Variants in ZDHHC18 observed in about 807,000 individuals in gnomAD.
The protein encoded by ZDHHC18 is palmitoyltransferase ZDHHC18.
Under a neutral mutation model 37.5 loss-of-function variants are expected in ZDHHC18, and 23 were observed. That is an observed-to-expected ratio of 0.61 (90% CI 0.44 to 0.87). The LOEUF (loss-of-function observed/expected upper bound fraction) is 0.87. ZDHHC18 is among the 40% of genes least tolerant of loss of function. The pLI, the probability that ZDHHC18 is intolerant of heterozygous loss-of-function variation, is 0.00. For missense variants in ZDHHC18, 406 were observed against 525.6 expected, an observed-to-expected ratio of 0.77 and a Z score of 2.22; for synonymous variants, 185 against 218.7, an observed-to-expected ratio of 0.85 and a Z score of 1.36.
chr1:26,828,132 T>C (rs1254774962), intron 1 of ZDHHC18, among the ~76,000 whole-genome samples: 1 of 152,092 alleles, frequency 6.6e-6, no homozygotes, highest in Non-Finnish European at 1.5e-5. Context: ...CATATATTTG[T>C]ATTAGAAGTT....
chr1:26,828,046 A>C (rs1259790446), intron 1 of ZDHHC18, among the ~76,000 whole-genome samples: 1 of 151,994 alleles, frequency 6.6e-6, no homozygotes, highest in Non-Finnish European at 1.5e-5. Flanking sequence ...TTGCCCCCCT[A>C]GGTTTTTGTC....
intron 6 of ZDHHC18, among the ~76,000 whole-genome samples, chr1:26,851,964 T>C (rs1201379748): frequency 6.6e-6 from 1 of 152,208 alleles, no homozygotes; most frequent in African/African-American, 2.4e-5. Context: ...AATGAGAGCA[T>C]CTGTTTCAGG....
At chr1:26,853,643 G>A (rs199642201) in intron 7 of ZDHHC18, 83 bp from the exon 8 acceptor site, 3 of 1,334,216 alleles carry the variant, frequency 2.2e-6, no homozygotes, top group East Asian at 2.3e-5. Context: ...TTCCTTGGCT[G>A]AGATAGACTC....
intron 2 of ZDHHC18, among the ~76,000 whole-genome samples, chr1:26,845,562 A>T (rs988470013): frequency 1.3e-5 from 2 of 151,234 alleles, no homozygotes; most frequent in Admixed American, 1.3e-4. Context: ...CGAACTCCCA[A>T]CCTCAGGTGA....
At chr1:26,847,183 C>G (rs2081674334) in intron 2 of ZDHHC18, among the ~76,000 whole-genome samples, 1 of 152,132 alleles carries the variant, frequency 6.6e-6, no homozygotes, top group South Asian at 2.1e-4. Flanking sequence ...ATGTGAGCCA[C>G]CACACCTGGC....
intron 2 of ZDHHC18, among the ~76,000 whole-genome samples, chr1:26,837,956 A>G (rs2081621320): frequency 6.7e-6 from 1 of 150,080 alleles, no homozygotes; most frequent in East Asian, 1.9e-4. Flanking sequence ...CAGAGTGCTC[A>G]TTCTTTCTGA....
intron 2 of ZDHHC18, among the ~76,000 whole-genome samples, chr1:26,846,249 GA>G (rs1570673141): frequency 1.7e-5 from 2 of 114,378 alleles, no homozygotes; most frequent in African/African-American, 3.4e-5. Flanking sequence ...GAGATATATA[GA>G]TATATATCTC....
At chr1:26,840,597 A>G (rs1446571372) in intron 2 of ZDHHC18, among the ~76,000 whole-genome samples, 1 of 151,594 alleles carries the variant, frequency 6.6e-6, no homozygotes, top group Non-Finnish European at 1.5e-5. Context: ...ATGCGCCACC[A>G]TGCCCGGCTA....
intron 6 of ZDHHC18, 67 bp downstream of exon 6, chr1:26,851,298 G>A: frequency 1.4e-6 from 2 of 1,473,234 alleles, no homozygotes; most frequent in South Asian, 1.1e-5. Flanking sequence ...GGCTGAGGGA[G>A]CCTGGGGCAG....
chr1:26,845,609 A>C (rs1295894650), intron 2 of ZDHHC18, among the ~76,000 whole-genome samples: 1 of 151,970 alleles, frequency 6.6e-6, no homozygotes, highest in African/African-American at 2.4e-5. Context: ...CTGGGATTAC[A>C]GGCTTGAGCC....
At chr1:26,833,457 G>A (rs1365698021) in intron 2 of ZDHHC18, among the ~76,000 whole-genome samples, 1 of 152,114 alleles carries the variant, frequency 6.6e-6, no homozygotes, top group Non-Finnish European at 1.5e-5. Flanking sequence ...AGGAGGAGGC[G>A]GCACTGGAGA....
At chr1:26,848,542 C>T in intron 2 of ZDHHC18, 66 bp from the exon 3 acceptor site, 2 of 1,570,238 alleles carry the variant, frequency 1.3e-6, no homozygotes, top group Non-Finnish European at 1.7e-6. Flanking sequence ...GTAGCTTTCC[C>T]CTGCTGGGGA....
chr1:26,852,948 C>A, intron 7 of ZDHHC18, 83 bp downstream of exon 7: 1 of 1,257,020 alleles, frequency 8.0e-7, no homozygotes, highest in Non-Finnish European at 1.1e-6. Flanking sequence ...AGCCGACCTC[C>A]CCCTACACCC....
At position 26,857,523 on chromosome 1, in the gene ZDHHC18, A is replaced by T. The variant is rs1394089559; in HGVS notation, c.*3680A>T. ...GAGCCAAGGAAAATCAGCTGAGCCC[A>T]GGGCTGGGGGCTGCTTGTCTGCTAT... is the stretch of plus-strand genomic sequence containing the variant. On this transcript the variant is annotated 3_prime_UTR_variant, in exon 8 of 8. Transcript: ENST00000374142. 2 of 151,440 alleles carry T rather than the reference A, an allele frequency of 1.3e-5. No individual in the cohort carries two copies. Among genetic ancestry groups the T allele is most frequent in the African/African-American group, 4.9e-5 (2 of 41,222 alleles). 9.4% of individuals were successfully genotyped at this position (151,440 alleles called of 1,614,324 possible).
rs148778066 is a variant in ZDHHC18 at position 26,852,783 on chromosome 1, G to A, written c.967G>A (p.Gly323Ser). The A allele has an allele frequency of 3.0e-5, 48 of 1,614,064 alleles. 1 individual carries two copies. Among genetic ancestry groups the A allele is most frequent in the African/African-American group, 1.7e-4 (13 of 75,020 alleles). Residue 323 changes from glycine (G) to serine (S), a missense_variant, in exon 7 of 8, where the codon GGT becomes AGT. By Grantham distance (56) the Gly-to-Ser change is moderately conservative (BLOSUM62 0). Transcript: ENST00000374142. ...IKGSWSSKRG[G>S]EASVNPYSHK... is the part of the protein sequence containing the mutation. The stretch of plus-strand genomic sequence containing the variant: ...AGGCTCGTGGTCCAGCAAGAGGGGC[G>A]GTGAGGCCTCTGTCAACCCCTACAG...
intron 2 of ZDHHC18, among the ~76,000 whole-genome samples, chr1:26,845,001 A>G (rs1449662214): frequency 2.0e-5 from 3 of 151,460 alleles, no homozygotes; most frequent in East Asian, 1.9e-4. Context: ...GCTCACTGCA[A>G]TCTCCGCCTC....
At chr1:26,853,250 C>T (rs551199164) in intron 7 of ZDHHC18, 5 of 252,644 alleles carry the variant, frequency 2.0e-5, no homozygotes, top group Non-Finnish European at 3.9e-5. Flanking sequence ...TGCTGGGTCA[C>T]TCCCTGTTCA....
At position 26,855,965 on chromosome 1, in the gene ZDHHC18, C is replaced by T. The variant is rs1557647674; in HGVS notation, c.*2122C>T. On this transcript the variant is annotated 3_prime_UTR_variant, in exon 8 of 8. Transcript: ENST00000374142. ...GGCCATCCTGTCCCCTCTTTGTCCC[C>T]TCCACCTTCCCCTGCCTCAGGGGCT... 3.4e-6 allele frequency: 1 copy of T among 297,966 alleles called. No homozygotes were observed. The highest frequency in any genetic ancestry group is 7.1e-6 in the Non-Finnish European group (1 of 140,732). 18.5% of individuals were successfully genotyped at this position (297,966 alleles called of 1,614,324 possible).
At chr1:26,844,239 A>G (rs1319717745) in intron 2 of ZDHHC18, among the ~76,000 whole-genome samples, 1 of 152,062 alleles carries the variant, frequency 6.6e-6, no homozygotes, top group Non-Finnish European at 1.5e-5. Context: ...GGGTTTCACC[A>G]TGTTGGCCGG....
Sources: gnomAD v4.1 joint callset for allele counts (sites outside exome capture counted in the v4.1 genomes callset) on GRCh38, gnomAD v4.1.1 for gene constraint, MANE v1.5 for transcripts, NCBI Gene and HGNC (gene_info 2026-07-23, HGNC 2026-07-21) for gene names.